The following UST variants were observed in gnomAD, a reference collection of about 807,000 sequenced individuals.
UST encodes uronyl 2-sulfotransferase.
Under a neutral mutation model 45.6 loss-of-function variants are expected in UST, and 21 were observed. The ratio of observed to expected loss-of-function variants is 0.46; its 90% confidence interval spans 0.33 to 0.66. The LOEUF is 0.66. Among genes scored for constraint, UST ranks in the 30% least tolerant of loss-of-function variants. The pLI is 0.02. For missense variants in UST, 463 were observed against 512.4 expected (o/e 0.90, Z 0.93); for synonymous variants, 215 against 200.6 (o/e 1.07, Z -0.61).
intron 5 of UST, among the ~76,000 whole-genome samples, chr6:148,986,657 C>T (rs1781242510): frequency 6.6e-6 from 1 of 152,242 alleles, no homozygotes; most frequent in South Asian, 2.1e-4. Context: ...CTACAGCTGA[C>T]TCTCCAACCT....
At chr6:149,046,443 A>C (rs1254360744) in intron 7 of UST, among the ~76,000 whole-genome samples, 1 of 152,230 alleles carries the variant, frequency 6.6e-6, no homozygotes, top group Non-Finnish European at 1.5e-5. Context: ...TTTAACAAGA[A>C]GGCATCTTCT....
At chr6:149,053,665 G>T (rs979208926) in intron 7 of UST, among the ~76,000 whole-genome samples, 1 of 152,222 alleles carries the variant, frequency 6.6e-6, no homozygotes, top group East Asian at 1.9e-4. Flanking sequence ...CGATGGTGCT[G>T]TATGAAATTG....
intron 2 of UST, among the ~76,000 whole-genome samples, chr6:148,940,852 A>G (rs1780112449): frequency 6.6e-6 from 1 of 152,216 alleles, no homozygotes; most frequent in African/African-American, 2.4e-5. Context: ...TCCATCATCC[A>G]TTTACAAATT....
intron 1 of UST, among the ~76,000 whole-genome samples, chr6:148,767,628 A>G (rs1024264108): frequency 1.3e-5 from 2 of 152,200 alleles, no homozygotes; most frequent in Non-Finnish European, 2.9e-5. Flanking sequence ...TTGGATGCAC[A>G]TAGAGTGAAT....
At chr6:148,946,400 A>G (rs775463146) in intron 3 of UST, among the ~76,000 whole-genome samples, 1 of 150,914 alleles carries the variant, frequency 6.6e-6, no homozygotes, top group Non-Finnish European at 1.5e-5. Flanking sequence ...AATCCCAGCT[A>G]CTCAGGAGGC....
chr6:148,836,111 G>C (rs1442146903), intron 1 of UST, among the ~76,000 whole-genome samples: 1 of 152,142 alleles, frequency 6.6e-6, no homozygotes, highest in Non-Finnish European at 1.5e-5. Flanking sequence ...TGCGGAAGAG[G>C]AGGAAAAGCA....
chr6:149,038,975 A>G (rs1409690042), intron 7 of UST, among the ~76,000 whole-genome samples: 2 of 152,232 alleles, frequency 1.3e-5, no homozygotes, highest in African/African-American at 2.4e-5. Context: ...TATTTATATT[A>G]TACAATATTT....
intron 5 of UST, among the ~76,000 whole-genome samples, chr6:148,975,252 TA>T (rs1780993544): frequency 6.6e-6 from 1 of 152,198 alleles, no homozygotes. Flanking sequence ...CCCTTCAAAT[TA>T]TTTCATGTCT....
At chr6:148,871,342 G>A (rs938000142) in intron 1 of UST, among the ~76,000 whole-genome samples, 1 of 152,108 alleles carries the variant, frequency 6.6e-6, no homozygotes, top group Non-Finnish European at 1.5e-5. Flanking sequence ...ATTTGTTACA[G>A]CAGTCCAAAC....
intron 1 of UST, among the ~76,000 whole-genome samples, chr6:148,869,994 A>G (rs567358123): frequency 6.6e-6 from 1 of 152,278 alleles, no homozygotes; most frequent in East Asian, 1.9e-4. Flanking sequence ...CCCATAACCC[A>G]GCAAGAATTA....
At chr6:148,838,465 A>G (rs1777832006) in intron 1 of UST, among the ~76,000 whole-genome samples, 2 of 152,224 alleles carry the variant, frequency 1.3e-5, no homozygotes, top group African/African-American at 4.8e-5. Context: ...GCTGAAGACC[A>G]TGATTCAGGA....
intron 5 of UST, among the ~76,000 whole-genome samples, chr6:148,970,239 G>A (rs1336044199): frequency 6.6e-6 from 1 of 152,086 alleles, no homozygotes; most frequent in African/African-American, 2.4e-5. Flanking sequence ...AGGAGAGGAG[G>A]GACCAACAAA....
At position 148,789,039 on chromosome 6, in the gene UST, A is replaced by C. The variant is rs1010838606; in HGVS notation, c.247+41362A>C. Reference sequence around the variant, plus strand: ...AATGATACCTACTTAGCGTTGTCTTAGATCCAGTGGCAATAACGTTTAAAT... The same window carrying C: ...AATGATACCTACTTAGCGTTGTCTTCGATCCAGTGGCAATAACGTTTAAAT... On this transcript the variant is annotated intron_variant, in intron 1 of 7. Transcript: ENST00000367463. 3.9e-5 allele frequency among the ~76,000 whole-genome samples: 6 copies of C among 152,350 alleles called. No homozygotes were observed. The South Asian group carries it at 6.2e-4, about 16-fold the overall frequency.
At chr6:149,021,172 C>CT (rs1468229206) in intron 6 of UST, 152 bp from the exon 7 acceptor site, 2 of 785,666 alleles carry the variant, frequency 2.5e-6, no homozygotes, top group Non-Finnish European at 4.0e-6. Context: ...TGGGAAGGCC[C>CT]TGGATGGGGC....
chr6:149,007,286 A>ATTTT (rs758579779), intron 5 of UST, among the ~76,000 whole-genome samples: 2 of 91,222 alleles, frequency 2.2e-5, no homozygotes, highest in East Asian at 2.7e-4. Context: ...CACCCGACCA[A>ATTTT]TTTTTTTTTT....
chr6:149,003,757 G>A (rs549033986), intron 5 of UST, among the ~76,000 whole-genome samples: 3 of 152,266 alleles, frequency 2.0e-5, no homozygotes, highest in South Asian at 2.1e-4. Flanking sequence ...TTCCTGCCCC[G>A]GAGGCTGGAA....
At chr6:148,851,232 T>C (rs4361637) in intron 1 of UST, among the ~76,000 whole-genome samples, 115,186 of 152,148 alleles carry the variant, frequency 0.76, 43,946 homozygotes, top group East Asian at 0.99. Flanking sequence ...TCGGGACAGA[T>C]TAGCCAGCTG....
At chr6:149,012,779 CTG>C (rs922536518) in intron 5 of UST, among the ~76,000 whole-genome samples, 7 of 144,054 alleles carry the variant, frequency 4.9e-5, no homozygotes, top group East Asian at 2.0e-4. Context: ...TCTGTTTTCT[CTG>C]TGAGTTAGCC....
chr6:148,954,619 T>A (rs1780444752), intron 4 of UST, among the ~76,000 whole-genome samples: 1 of 152,144 alleles, frequency 6.6e-6, no homozygotes, highest in Non-Finnish European at 1.5e-5. Flanking sequence ...CAGTAGGCCG[T>A]GCCATCGAGG....
Sources: gnomAD v4.1 joint callset for allele counts (sites outside exome capture counted in the v4.1 genomes callset) on GRCh38, gnomAD v4.1.1 for gene constraint, MANE v1.5 for transcripts, NCBI Gene and HGNC (gene_info 2026-07-23, HGNC 2026-07-21) for gene names.